Variants in DNAH7 observed in about 807,000 individuals in gnomAD.
DNAH7 encodes dynein axonemal heavy chain 7.
In DNAH7, 397 loss-of-function variants were observed where a neutral mutation model predicts 444.6. That is an observed-to-expected ratio of 0.89 (90% CI 0.82 to 0.97). The LOEUF (loss-of-function observed/expected upper bound fraction) is 0.97, where lower values mean the gene tolerates loss of function less well. Ranked by LOEUF, DNAH7 falls within the 50% of genes least tolerant of loss-of-function variation. DNAH7 has a pLI of 0.00. For synonymous variants in DNAH7, 1,636 were observed against 1,624.4 expected (o/e 1.01, Z -0.17); for missense variants, 4,902 against 4,800.8 (o/e 1.02, Z -0.62).
intron 61 of DNAH7, among the ~76,000 whole-genome samples, chr2:195,769,015 G>A (rs1172556230): frequency 6.6e-6 from 1 of 152,082 alleles, no homozygotes; most frequent in African/African-American, 2.4e-5. Context: ...AAAGAAATGA[G>A]TTTAATATGA....
intron 46 of DNAH7, among the ~76,000 whole-genome samples, chr2:195,847,665 AC>A (rs1190152395): frequency 6.6e-6 from 1 of 152,170 alleles, no homozygotes; most frequent in African/African-American, 2.4e-5. Context: ...AACAAAAAAA[AC>A]AAAGATTCAA....
intron 48 of DNAH7, among the ~76,000 whole-genome samples, chr2:195,824,731 C>T (rs1304798571): frequency 2.0e-5 from 3 of 152,096 alleles, no homozygotes; most frequent in Admixed American, 6.5e-5. Flanking sequence ...GTTCACCAGG[C>T]GCCCAGGTAT....
Position 195,794,532 on chromosome 2 carries a change from T to G in DNAH7, c.10522A>C (p.Ser3508Arg). The G allele has an allele frequency of 1.9e-6, 3 of 1,614,072 alleles. No individual in the cohort carries two copies. The highest frequency in any genetic ancestry group is 2.5e-6 in the Non-Finnish European group (3 of 1,179,936). The change falls in exon 57 of 65, where the codon AGC becomes CGC. Residue 3508 changes from serine to arginine, a missense_variant. Physicochemically the swap from Ser to Arg is moderately radical, Grantham distance 110 (BLOSUM62 -1). Transcript: ENST00000312428. ...AAATCTGGATGTGTTGACTCTGGGCTTAACTCCTGTAAGAAAATAAATCAG... is the reference window on the plus strand; with the variant it reads ...AAATCTGGATGTGTTGACTCTGGGCGTAACTCCTGTAAGAAAATAAATCAG... Reference protein sequence around the residue: ...PTLEKVCEELSPESTHPDFRM... With the variant: ...PTLEKVCEELRPESTHPDFRM...
intron 10 of DNAH7, among the ~76,000 whole-genome samples, chr2:196,003,198 G>A (rs1694154856): frequency 6.6e-6 from 1 of 150,822 alleles, no homozygotes; most frequent in African/African-American, 2.4e-5. Context: ...GAATGAGGAA[G>A]GCCCTGAGAG....
intron 12 of DNAH7, 84 bp from the exon 13 acceptor site, chr2:195,988,313 A>G (rs994496967): frequency 4.1e-6 from 5 of 1,208,854 alleles, no homozygotes; most frequent in Non-Finnish European, 5.6e-6. Flanking sequence ...CCAATCTTAC[A>G]ATGTTTCTTG....
intron 12 of DNAH7, among the ~76,000 whole-genome samples, chr2:195,999,602 A>G (rs1177717650): frequency 6.6e-6 from 1 of 152,038 alleles, no homozygotes; most frequent in South Asian, 2.1e-4. Flanking sequence ...TATCGCATAC[A>G]GAGTATTAAA....
Position 196,006,585 on chromosome 2 carries a change from G to C in DNAH7, c.990-4727C>G, listed in dbSNP as rs1054851268. ...AAGGAAAAAAAAAAAAACATATCCA[G>C]ATAGGAAAGGAAGAAGTAAACTGTC... On this transcript the variant is annotated intron_variant, in intron 10 of 64. Coordinates refer to ENST00000312428, the MANE Select transcript of DNAH7 (RefSeq NM_018897.3). 9.3e-5 allele frequency among the ~76,000 whole-genome samples: 14 copies of C among 150,242 alleles called. No individual in the cohort carries two copies. The South Asian group carries it at 2.5e-3, about 27-fold the overall frequency.
chr2:195,781,112 G>A (rs1367209167), intron 58 of DNAH7, among the ~76,000 whole-genome samples: 1 of 152,106 alleles, frequency 6.6e-6, no homozygotes, highest in African/African-American at 2.4e-5. Context: ...AAGAATTGCA[G>A]AACATTTATA....
At chr2:196,024,308 T>C in intron 8 of DNAH7, 121 bp downstream of exon 8, 1 of 593,126 alleles carries the variant, frequency 1.7e-6, no homozygotes, top group Non-Finnish European at 2.7e-6. Flanking sequence ...AATACATACA[T>C]ACACACATAT....
chr2:195,806,717 C>G (rs1696731637), intron 54 of DNAH7, 23 bp downstream of exon 54: 1 of 1,594,632 alleles, frequency 6.3e-7, no homozygotes, highest in Admixed American at 1.7e-5. Flanking sequence ...AATCATTGAG[C>G]TGTTTTCAAA....
At chr2:195,919,206 C>G (rs995228260) in intron 24 of DNAH7, among the ~76,000 whole-genome samples, 1 of 145,182 alleles carries the variant, frequency 6.9e-6, no homozygotes, top group African/African-American at 2.6e-5. Context: ...GCTGAGATCA[C>G]GCAGCCTGGA....
At position 196,068,829 on chromosome 2, in the gene DNAH7, G is replaced by C. The variant is rs912839867; in HGVS notation, c.-118C>G. The stretch of plus-strand genomic sequence containing the variant: ...AGCGGTCTCAGCTCCCTCCGCACCA[G>C]AGCCGTCTAGCGTCCGGGCAGCGTT... On this transcript the variant is annotated 5_prime_UTR_variant, in exon 1 of 65. Transcript: ENST00000312428. 3.8e-6 allele frequency: 5 copies of C among 1,322,850 alleles called. No homozygotes were observed. In the Admixed American group the frequency reaches 1.2e-4, roughly 31 times the overall value. The allele number at this position is 1,322,850 out of a possible 1,614,324, so 81.9% of individuals were successfully genotyped here.
chr2:195,790,460 C>G (rs1316903111), intron 57 of DNAH7, among the ~76,000 whole-genome samples: 1 of 142,550 alleles, frequency 7.0e-6, no homozygotes, highest in Non-Finnish European at 1.5e-5. Flanking sequence ...CAGCATGGTA[C>G]TGGTTAAAAA....
At chr2:195,848,558 C>T (rs1353721687) in intron 46 of DNAH7, among the ~76,000 whole-genome samples, 15 of 152,146 alleles carry the variant, frequency 9.9e-5, no homozygotes, top group Non-Finnish European at 4.4e-5. Flanking sequence ...TGGGATGCAA[C>T]GCAAAGACAC....
At chr2:195,948,737 C>G (rs1422379344) in intron 19 of DNAH7, among the ~76,000 whole-genome samples, 3 of 152,088 alleles carry the variant, frequency 2.0e-5, no homozygotes, top group Admixed American at 2.0e-4. Flanking sequence ...ATGCCTCTTG[C>G]TTTGTTCTTT....
chr2:196,062,298 CACCCTATCAAAT>C (rs879423034), intron 1 of DNAH7, among the ~76,000 whole-genome samples: 7 of 152,124 alleles, frequency 4.6e-5, no homozygotes, highest in Admixed American at 6.5e-5. Context: ...GTCACAACTA[CACCCTATCAAAT>C]ACCCTCAACT....
intron 15 of DNAH7, among the ~76,000 whole-genome samples, chr2:195,974,755 TACACACACACACAC>T (rs58054572): frequency 6.5e-4 from 93 of 143,658 alleles, no homozygotes; most frequent in East Asian, 1.2e-3. Flanking sequence ...ATGTATATTT[TACACACACACACAC>T]ACACACACAC....
At chr2:195,773,695 C>G (rs756722494) in intron 60 of DNAH7, among the ~76,000 whole-genome samples, 1 of 152,112 alleles carries the variant, frequency 6.6e-6, no homozygotes, top group Non-Finnish European at 1.5e-5. Context: ...TTATTTTCCT[C>G]TTAAAGATAA....
At chr2:196,053,326 T>G (rs777822634) in intron 2 of DNAH7, among the ~76,000 whole-genome samples, 8 of 152,228 alleles carry the variant, frequency 5.3e-5, no homozygotes, top group Non-Finnish European at 1.2e-4. Context: ...CAGTCTCCTT[T>G]TAGGGTGAAC....
Sources: gnomAD v4.1 joint callset for allele counts (sites outside exome capture counted in the v4.1 genomes callset) on GRCh38, gnomAD v4.1.1 for gene constraint, MANE v1.5 for transcripts, NCBI Gene and HGNC (gene_info 2026-07-23, HGNC 2026-07-21) for gene names.